Variants in LRRC42 observed in about 807,000 individuals in gnomAD.
LRRC42 encodes the protein leucine rich repeat containing 42.
Under a neutral mutation model 44.3 loss-of-function variants are expected in LRRC42, and 43 were observed. That is an observed-to-expected ratio of 0.97 (90% CI 0.76 to 1.25). LRRC42 has a LOEUF of 1.25. Among genes scored for constraint, LRRC42 ranks in the 50% most tolerant of loss-of-function variants. The probability of loss-of-function intolerance (pLI) is 0.00; values close to 1 mark genes in which losing one functional copy is unlikely to be tolerated. For synonymous variants in LRRC42, 207 were observed against 195.2 expected (o/e 1.06, Z -0.50); for missense variants, 540 against 509.1 (o/e 1.06, Z -0.58).
Position 53,952,193 on chromosome 1 carries a change from G to A in LRRC42, c.194G>A (p.Arg65Gln), listed in dbSNP as rs776489399. 5.0e-6 allele frequency: 8 copies of A among 1,614,188 alleles called. No individual in the cohort carries two copies. Among genetic ancestry groups the A allele is most frequent in the South Asian group, 2.2e-5 (2 of 91,084 alleles). The change falls in exon 3 of 9, where the codon CGG becomes CAG. Residue 65 changes from arginine to glutamine, a missense_variant. By Grantham distance (43) the Arg-to-Gln change is conservative. Coordinates refer to ENST00000371370, the MANE Select transcript of LRRC42 (RefSeq NM_001256409.2). The stretch of plus-strand genomic sequence containing the variant: ...ATGAACAGGGAAGACGACACTGCAC[G>A]GAAAGAGAAGACTGATCATTTCATC... ...LCMNREDDTARKEKTDHFIFT... is the reference protein window; with the variant it reads ...LCMNREDDTAQKEKTDHFIFT...
chr1:53,964,915 G>A (rs1228564133), intron 7 of LRRC42, among the ~76,000 whole-genome samples: 1 of 150,870 alleles, frequency 6.6e-6, no homozygotes, highest in Non-Finnish European at 1.5e-5. Context: ...CGAACTCCTG[G>A]GCGCAAGGGA....
At chr1:53,954,833 T>C (rs921792419) in intron 3 of LRRC42, among the ~76,000 whole-genome samples, 2 of 152,230 alleles carry the variant, frequency 1.3e-5, no homozygotes, top group Non-Finnish European at 2.9e-5. Flanking sequence ...GGAAGCAGTT[T>C]AGCAATATGT....
At chr1:53,963,516 C>T (rs1472009876) in intron 7 of LRRC42, among the ~76,000 whole-genome samples, 1 of 152,214 alleles carries the variant, frequency 6.6e-6, no homozygotes, top group African/African-American at 2.4e-5. Context: ...GTGTTTTCAT[C>T]CATAAAATGC....
intron 4 of LRRC42, among the ~76,000 whole-genome samples, chr1:53,958,857 A>T (rs926274730): frequency 2.2e-4 from 33 of 150,914 alleles, no homozygotes; most frequent in Non-Finnish European, 1.3e-4. Flanking sequence ...AAGTGCTGGG[A>T]TTACAGGCGT....
chr1:53,962,537 A>C (rs1655025863), intron 7 of LRRC42, 128 bp downstream of exon 7: 2 of 671,588 alleles, frequency 3.0e-6, no homozygotes, highest in Non-Finnish European at 5.3e-6. Context: ...CTTCATGTCA[A>C]ATTGGAGACA....
rs1654894611 is a variant in LRRC42, at chr1:53,958,173, TGAG to T, written c.502_504del (p.Glu168del). 1.2e-6 allele frequency: 2 copies of T among 1,613,810 alleles called. No homozygotes were observed. The highest frequency in any genetic ancestry group is 1.7e-6 in the Non-Finnish European group (2 of 1,179,874). On this transcript the variant is annotated inframe_deletion, in exon 4 of 9. Coordinates refer to ENST00000371370, the MANE Select transcript of LRRC42 (RefSeq NM_001256409.2). ...GGTATCTCGTGATTTCAGAAAAGCTTGAGGAGATTAAGTCTTTCCGGGAGCTGA... is the reference window on the plus strand; with the variant it reads ...GGTATCTCGTGATTTCAGAAAAGCTTGAGATTAAGTCTTTCCGGGAGCTGA...
In LRRC42 at chr1:53,967,340, G is replaced by T. The variant is rs183193723; in HGVS notation, c.1013-325G>T. 6.8e-4 allele frequency among the ~76,000 whole-genome samples: 103 copies of T among 152,264 alleles called. 1 individual carries two copies. Among genetic ancestry groups the T allele is most frequent in the African/African-American group, 2.4e-3 (98 of 41,552 alleles). On this transcript the variant is annotated intron_variant, in intron 8 of 8. Coordinates refer to ENST00000371370, the MANE Select transcript of LRRC42 (RefSeq NM_001256409.2). ...AATCACTTTATGTACATGATCTCAT[G>T]TATCTTCATATCACCCTTATGAAAT...
At position 53,951,940 on chromosome 1, in the gene LRRC42, A is replaced by G. The variant is rs921276626; in HGVS notation, c.-14-46A>G. ...CAGCAAGATGAAGTTACATGTTACA[A>G]ATGGCATTTTAATTGGATTTGCTTC... On this transcript the variant is annotated intron_variant, in intron 2 of 8. Coordinates refer to ENST00000371370, the MANE Select transcript of LRRC42 (RefSeq NM_001256409.2). 2.8e-6 allele frequency: 4 copies of G among 1,415,314 alleles called. No homozygotes were observed. In the African/African-American group the frequency reaches 5.7e-5, roughly 20 times the overall value. 87.7% of individuals were successfully genotyped at this position (1,415,314 alleles called of 1,614,324 possible). A position where few individuals can be genotyped will look rare whatever the true frequency, so the allele number is the denominator to read the frequency against.
At chr1:53,963,498 C>T (rs1655048637) in intron 7 of LRRC42, among the ~76,000 whole-genome samples, 1 of 152,240 alleles carries the variant, frequency 6.6e-6, no homozygotes, top group South Asian at 2.1e-4. Context: ...AAGCAACTTT[C>T]AGTCTCTGTG....
chr1:53,961,946 G>C, intron 5 of LRRC42, 88 bp from the exon 6 acceptor site: 1 of 917,204 alleles, frequency 1.1e-6, no homozygotes, highest in South Asian at 1.5e-5. Context: ...GTTTATCATT[G>C]CCCGGACGTT....
chr1:53,961,267 T>C (rs1358351689), intron 5 of LRRC42, among the ~76,000 whole-genome samples: 1 of 151,992 alleles, frequency 6.6e-6, no homozygotes, highest in Non-Finnish European at 1.5e-5. Context: ...AAAAATCAGC[T>C]GGGCGTGGTG....
rs1654558098 is a variant in LRRC42, at chr1:53,947,776, C to T, written c.-48-12C>T. 2 of 152,174 alleles carry T rather than the reference C, an allele frequency of 1.3e-5. No homozygotes were observed. Among genetic ancestry groups the T allele is most frequent in the Admixed American group, 6.6e-5 (1 of 15,260 alleles). The allele number at this position is 152,174 out of a possible 1,614,324, so 9.4% of individuals were successfully genotyped here. A position where few individuals can be genotyped will look rare whatever the true frequency, so the allele number is the denominator to read the frequency against. ...TTTGTTTTTTAATCTTATCCCCACC[C>T]CCTCCCCCCAGGCTTCATCCAGTGA... On this transcript the variant is annotated splice_polypyrimidine_tract_variant and intron_variant, in intron 1 of 8. Transcript: ENST00000371370.
At chr1:53,956,669 G>A (rs139852355) in intron 3 of LRRC42, among the ~76,000 whole-genome samples, 2 of 152,290 alleles carry the variant, frequency 1.3e-5, no homozygotes, top group African/African-American at 4.8e-5. Context: ...CTAGAGCTTT[G>A]ATTATGTCCT....
At chr1:53,951,914 A>G in intron 2 of LRRC42, 72 bp from the exon 3 acceptor site, 1 of 1,214,296 alleles carries the variant, frequency 8.2e-7, no homozygotes, top group Non-Finnish European at 1.1e-6. Context: ...AGCCCTGGGC[A>G]CAGCAAGATG....
intron 2 of LRRC42, 110 bp from the exon 3 acceptor site, chr1:53,951,876 C>T: frequency 1.1e-6 from 1 of 895,000 alleles, no homozygotes; most frequent in Non-Finnish European, 1.7e-6. Context: ...CCTAAACCAG[C>T]CACCAGGCCT....
Position 53,946,518 on chromosome 1 carries a change from G to T in LRRC42, c.-80G>T, listed in dbSNP as rs930978777. 1 of 152,070 alleles carries T rather than the reference G, an allele frequency of 6.6e-6. No individual in the cohort carries two copies. Among genetic ancestry groups the T allele is most frequent in the Non-Finnish European group, 1.5e-5 (1 of 68,020 alleles). 9.4% of individuals were successfully genotyped at this position (152,070 alleles called of 1,614,324 possible). ...GGGAGGAGGGAGCCGTCACCGAGGA[G>T]CTGCCGCTCGCTGCCCCGGGCAGGG... On this transcript the variant is annotated 5_prime_UTR_variant, in exon 1 of 9. Transcript: ENST00000371370.
chr1:53,961,729 G>A (rs887779856), intron 5 of LRRC42, among the ~76,000 whole-genome samples: 3 of 152,182 alleles, frequency 2.0e-5, no homozygotes, highest in Non-Finnish European at 4.4e-5. Context: ...ACATGTTTAT[G>A]TATGTTTTCA....
chr1:53,962,451 A>G lies in LRRC42; in HGVS notation c.927+42A>G, dbSNP rs558318472. ...TTCCTTGCGGTTGATGCAGCTTTTC[A>G]TCTTAATTCCAAGTGTCTTATCCAA... On this transcript the variant is annotated intron_variant, in intron 7 of 8. Transcript: ENST00000371370. 1.2e-3 allele frequency: 1,501 copies of G among 1,209,536 alleles called. 25 individuals carry two copies. The South Asian group carries it at 0.017, about 14-fold the overall frequency. 74.9% of individuals were successfully genotyped at this position (1,209,536 alleles called of 1,614,324 possible).
At chr1:53,950,982 C>G (rs533697929) in intron 2 of LRRC42, among the ~76,000 whole-genome samples, 1 of 152,290 alleles carries the variant, frequency 6.6e-6, no homozygotes, top group African/African-American at 2.4e-5. Context: ...AATGTTGGTT[C>G]CACACTATCT....
Sources: allele counts gnomAD v4.1 joint callset (sites outside exome capture counted in the v4.1 genomes callset), GRCh38; gene constraint gnomAD v4.1.1; transcripts MANE v1.5; gene names NCBI Gene and HGNC (gene_info 2026-07-23, HGNC 2026-07-21).